ZNF25: variants seen among roughly 807,000 people sequenced by gnomAD.
The protein encoded by ZNF25 is zinc finger protein 25.
In ZNF25, 21 loss-of-function variants were observed where a neutral mutation model predicts 30.9. The observed-to-expected ratio is 0.68, with a 90% CI of 0.48 to 0.98. The LOEUF is 0.98. Among genes scored for constraint, ZNF25 ranks in the 50% least tolerant of loss-of-function variants. The pLI, the probability that ZNF25 is intolerant of heterozygous loss-of-function variation, is 0.00. For missense variants in ZNF25, 501 were observed against 529.9 expected (o/e 0.95, Z 0.54); for synonymous variants, 169 against 181.3 (o/e 0.93, Z 0.55).
chr10:37,963,832 G>A (rs1024612977), intron 2 of ZNF25, among the ~76,000 whole-genome samples: 4 of 152,036 alleles, frequency 2.6e-5, no homozygotes, highest in Admixed American at 6.6e-5. Context: ...AAAATTAGGC[G>A]GGTGTGGTGG....
In ZNF25 at chr10:37,957,487, C is replaced by T. The variant is rs1048545075; in HGVS notation, c.75G>A (p.Leu25=). The T allele has an allele frequency of 1.9e-6, 3 of 1,613,890 alleles. No individual in the cohort carries two copies. The South Asian group carries it at 3.3e-5, about 18-fold the overall frequency. Residue 25 remains leucine, a synonymous_variant, in exon 3 of 6, where the codon CTG becomes CTA. Transcript: ENST00000302609. ...TATACAGAGTCCTCTGAGCAGGGGT[C>T]AGTAACTTCCATTCTTCCTTGGTGA... ...VEFTKEEWKL[L]TPAQRTLYKD...
Position 37,957,305 on chromosome 10 carries a change from C to T in ZNF25, c.142+115G>A. On this transcript the variant is annotated intron_variant, in intron 3 of 5. Coordinates refer to ENST00000302609, the MANE Select transcript of ZNF25 (RefSeq NM_145011.4). The stretch of plus-strand genomic sequence containing the variant: ...CCCAAAATGGATTTATTAACTTCGA[C>T]CTCTGAATCATAGATAATGTCAATC... 4 of 1,398,854 alleles carry T rather than the reference C, an allele frequency of 2.9e-6. No homozygotes were observed. In the South Asian group the frequency reaches 5.6e-5, roughly 20 times the overall value. 86.7% of individuals were successfully genotyped at this position (1,398,854 alleles called of 1,614,324 possible). A position where few individuals can be genotyped will look rare whatever the true frequency, so the allele number is the denominator to read the frequency against.
rs777345062 is a variant in ZNF25 at position 37,952,102 on chromosome 10, A to C, written c.*25T>G. Reference sequence around the variant, plus strand: ...TCTGATTGTTTTGAAGGATTAATTCAGTCAAGAGAATTTCCCAACTCATCT... The same window carrying C: ...TCTGATTGTTTTGAAGGATTAATTCCGTCAAGAGAATTTCCCAACTCATCT... On this transcript the variant is annotated 3_prime_UTR_variant, in exon 6 of 6. Coordinates refer to ENST00000302609, the MANE Select transcript of ZNF25 (RefSeq NM_145011.4). 32 of 1,527,608 alleles carry C rather than the reference A, an allele frequency of 2.1e-5. No individual in the cohort carries two copies. Among genetic ancestry groups the C allele is most frequent in the Non-Finnish European group, 2.5e-5 (28 of 1,138,218 alleles). The allele number at this position is 1,527,608 out of a possible 1,614,324, so 94.6% of individuals were successfully genotyped here. A position where few individuals can be genotyped will look rare whatever the true frequency, so the allele number is the denominator to read the frequency against.
At chr10:37,966,004 C>G (rs960382492) in intron 2 of ZNF25, among the ~76,000 whole-genome samples, 4 of 151,812 alleles carry the variant, frequency 2.6e-5, no homozygotes, top group African/African-American at 9.7e-5. Context: ...AGAGTAACCA[C>G]TAAAAACACC....
intron 2 of ZNF25, among the ~76,000 whole-genome samples, chr10:37,960,032 A>T (rs904791117): frequency 2.0e-5 from 3 of 152,060 alleles, no homozygotes; most frequent in Admixed American, 6.6e-5. Flanking sequence ...CTCCTGGCTC[A>T]GCCTCCCGAG....
At chr10:37,961,163 G>A (rs1432553782) in intron 2 of ZNF25, among the ~76,000 whole-genome samples, 1 of 152,156 alleles carries the variant, frequency 6.6e-6, no homozygotes, top group Non-Finnish European at 1.5e-5. Flanking sequence ...TGGGCAACAT[G>A]ATTACTTCAC....
chr10:37,967,410 A>G (rs987471194), intron 2 of ZNF25, among the ~76,000 whole-genome samples: 1 of 151,216 alleles, frequency 6.6e-6, no homozygotes, highest in Non-Finnish European at 1.5e-5. Context: ...CTACGACCAC[A>G]TGATTTTCTT....
intron 2 of ZNF25, among the ~76,000 whole-genome samples, chr10:37,960,254 ATGAG>A (rs2062778572): frequency 6.6e-6 from 1 of 152,120 alleles, no homozygotes; most frequent in Non-Finnish European, 1.5e-5. Context: ...AGATACACAT[ATGAG>A]TAAGTTTCCA....
rs559316633 is a variant in ZNF25 at position 37,958,071 on chromosome 10, GAT to G, written c.16-527_16-526del. Among the ~76,000 whole-genome samples the G allele has an allele frequency of 1.9e-3, 290 of 152,238 alleles. 1 individual carries two copies. The highest frequency in any genetic ancestry group is 3.4e-3 in the Middle Eastern group (1 of 294). On this transcript the variant is annotated intron_variant, in intron 2 of 5. Coordinates refer to ENST00000302609, the MANE Select transcript of ZNF25 (RefSeq NM_145011.4). The stretch of plus-strand genomic sequence containing the variant: ...TGTTTGCACGATGAAGTCACCTAAT[GAT>G]ATGTTTCTCATAACATATCCCTGTC...
At position 37,951,768 on chromosome 10, in the gene ZNF25, A is replaced by G. The variant is rs922397592; in HGVS notation, c.*359T>C. On this transcript the variant is annotated 3_prime_UTR_variant, in exon 6 of 6. Transcript: ENST00000302609. ...CATTTGTGAGCTTTTGGATGTCTACAGCTGGCTGCCCTGACAGAAAATGTC... is the reference window on the plus strand; with the variant it reads ...CATTTGTGAGCTTTTGGATGTCTACGGCTGGCTGCCCTGACAGAAAATGTC... The G allele has an allele frequency of 4.1e-5, 8 of 193,894 alleles. No homozygotes were observed. The East Asian group carries it at 1.1e-3, about 27-fold the overall frequency. The allele number at this position is 193,894 out of a possible 1,614,324, so 12.0% of individuals were successfully genotyped here. A position where few individuals can be genotyped will look rare whatever the true frequency, so the allele number is the denominator to read the frequency against.
chr10:37,967,986 C>T (rs1448355154), intron 2 of ZNF25: 2 of 152,194 alleles, frequency 1.3e-5, no homozygotes, highest in African/African-American at 2.4e-5. Context: ...AATTTTACTT[C>T]ATCATAATTT....
rs920651723 is a variant in ZNF25 at position 37,950,703 on chromosome 10, ATGT to A, written c.*1421_*1423del. ...ATTTAGACCTCAAAGCAATCCTAAG[ATGT>A]TGTCACTATCACTACTCTTTTATGG... On this transcript the variant is annotated 3_prime_UTR_variant, in exon 6 of 6. Transcript: ENST00000302609. 1.3e-5 allele frequency: 2 copies of A among 152,120 alleles called. No homozygotes were observed. Among genetic ancestry groups the A allele is most frequent in the African/African-American group, 4.8e-5 (2 of 41,420 alleles). 9.4% of individuals were successfully genotyped at this position (152,120 alleles called of 1,614,324 possible).
intron 2 of ZNF25, among the ~76,000 whole-genome samples, chr10:37,966,355 A>C (rs1010705572): frequency 1.3e-5 from 2 of 151,742 alleles, no homozygotes; most frequent in Non-Finnish European, 2.9e-5. Flanking sequence ...TGGAGGTTGC[A>C]GTGAGCCAAG....
chr10:37,966,450 A>G (rs1324939144), intron 2 of ZNF25, among the ~76,000 whole-genome samples: 1 of 151,934 alleles, frequency 6.6e-6, no homozygotes, highest in Non-Finnish European at 1.5e-5. Context: ...AGACTGGGTA[A>G]TTTACAAAGA....
intron 1 of ZNF25, among the ~76,000 whole-genome samples, chr10:37,975,298 G>A (rs1397465795): frequency 6.6e-6 from 1 of 151,614 alleles, no homozygotes; most frequent in Non-Finnish European, 1.5e-5. Context: ...TGAGGCGGTG[G>A]ATATTGTAAT....
rs770143932 is a variant in ZNF25 at position 37,957,008 on chromosome 10, C to A, written c.238+12G>T. ...TCACCAGTAACATGGGATATAATTT[C>A]TTCTAACTCACCAGGGAAGCCCCGA... On this transcript the variant is annotated intron_variant, in intron 4 of 5. Transcript: ENST00000302609. 2 of 1,606,956 alleles carry A rather than the reference C, an allele frequency of 1.2e-6. No homozygotes were observed. Among genetic ancestry groups the A allele is most frequent in the Non-Finnish European group, 1.7e-6 (2 of 1,174,666 alleles).
chr10:37,954,711 T>C (rs1188606651), intron 4 of ZNF25, among the ~76,000 whole-genome samples: 4 of 152,354 alleles, frequency 2.6e-5, no homozygotes, highest in African/African-American at 9.6e-5. Flanking sequence ...GTGACCTTCA[T>C]ATTTATGCAT....
chr10:37,952,129 A>G lies in ZNF25; in HGVS notation c.1369T>C (p.Ter457GlnextTer9). 6.4e-7 allele frequency: 1 copy of G among 1,551,362 alleles called. No homozygotes were observed. The highest frequency in any genetic ancestry group is 1.4e-5 in the African/African-American group (1 of 72,536). ...THTKKRNAEK* is the reference protein window; with the variant it reads ...THTKKRNAEKQ Reference sequence around the variant, plus strand: ...TCAAGAGAATTTCCCAACTCATCTTACTTCTCAGCATTCCTCTTCTTTGTG... The same window carrying G: ...TCAAGAGAATTTCCCAACTCATCTTGCTTCTCAGCATTCCTCTTCTTTGTG... Residue 457 changes from the stop codon to glutamine (Q), a stop_lost, in exon 6 of 6, where the codon TAA becomes CAA. Coordinates refer to ENST00000302609, the MANE Select transcript of ZNF25 (RefSeq NM_145011.4).
In ZNF25 at chr10:37,953,085, T is replaced by G; in HGVS notation, c.413A>C (p.His138Pro). 6.2e-7 allele frequency: 1 copy of G among 1,613,912 alleles called. No homozygotes were observed. The highest frequency in any genetic ancestry group is 8.5e-7 in the Non-Finnish European group (1 of 1,179,970). Residue 138 changes from histidine to proline, a missense_variant, in exon 6 of 6, where the codon CAT (histidine) becomes CCT (proline). His to Pro is a moderately conservative substitution (Grantham distance 77). Coordinates refer to ENST00000302609, the MANE Select transcript of ZNF25 (RefSeq NM_145011.4). ...CQKSALIVHQ[H>P]THSKGKSYDC... ...ATAGGATTTGCCCTTTGAGTGAGTATGCTGATGTACTATGAGGGCAGACTT... is the reference window on the plus strand; with the variant it reads ...ATAGGATTTGCCCTTTGAGTGAGTAGGCTGATGTACTATGAGGGCAGACTT...
Sources: gnomAD v4.1 joint callset for allele counts (sites outside exome capture counted in the v4.1 genomes callset) on GRCh38, gnomAD v4.1.1 for gene constraint, MANE v1.5 for transcripts, NCBI Gene and HGNC (gene_info 2026-07-23, HGNC 2026-07-21) for gene names.